The following PEMT variants were observed in gnomAD, a reference collection of about 807,000 sequenced individuals.
PEMT encodes the protein phospholipid methyltransferase.
In PEMT, 23 loss-of-function variants were observed where a neutral mutation model predicts 27.4. That is an observed-to-expected ratio of 0.84 (90% CI 0.60 to 1.19). The LOEUF is 1.19. PEMT is among the 50% of genes most tolerant of loss of function. The probability of loss-of-function intolerance (pLI) is 0.00; values close to 1 mark genes in which losing one functional copy is unlikely to be tolerated. For synonymous variants in PEMT, 137 were observed against 139.1 expected (o/e 0.98, Z 0.11); for missense variants, 307 against 310.1 (o/e 0.99, Z 0.07).
intron 2 of PEMT, among the ~76,000 whole-genome samples, chr17:17,540,714 G>C (rs1423527334): frequency 6.6e-6 from 1 of 152,180 alleles, no homozygotes; most frequent in Non-Finnish European, 1.5e-5. Context: ...GGCAGGCTCA[G>C]GGTTCAGAGG....
intron 2 of PEMT, among the ~76,000 whole-genome samples, chr17:17,562,071 G>A (rs537609666): frequency 6.6e-5 from 10 of 152,336 alleles, no homozygotes; most frequent in South Asian, 2.1e-4. Context: ...GGAGTCGGCC[G>A]TGCTGCAGCT....
chr17:17,566,712 A>G (rs1910849606), intron 2 of PEMT, among the ~76,000 whole-genome samples: 1 of 152,224 alleles, frequency 6.6e-6, no homozygotes, highest in African/African-American at 2.4e-5. Context: ...TCTGCAGAAC[A>G]GTGGTGGCTC....
At chr17:17,506,657 G>A (rs1018580739) in intron 5 of PEMT, among the ~76,000 whole-genome samples, 2 of 152,190 alleles carry the variant, frequency 1.3e-5, no homozygotes, top group African/African-American at 2.4e-5. Flanking sequence ...GTTCATTCCC[G>A]CACAGGAGGA....
chr17:17,587,342 T>A (rs949102359), intron 1 of PEMT, among the ~76,000 whole-genome samples: 1 of 152,148 alleles, frequency 6.6e-6, no homozygotes, highest in Non-Finnish European at 1.5e-5. Flanking sequence ...AATGAACCGA[T>A]CCTTGCAAGA....
At chr17:17,511,308 C>T (rs1906376233) in intron 4 of PEMT, among the ~76,000 whole-genome samples, 1 of 152,246 alleles carries the variant, frequency 6.6e-6, no homozygotes. Context: ...AAACTCCCTA[C>T]AGCGTCTGCC....
chr17:17,522,454 G>A lies in PEMT; in HGVS notation c.205-59C>T, dbSNP rs557881841. 988 of 1,050,364 alleles carry A rather than the reference G, an allele frequency of 9.4e-4. 5 individuals are homozygous for A. Among genetic ancestry groups the A allele is most frequent in the South Asian group, 9.6e-4 (73 of 75,882 alleles). The allele number at this position is 1,050,364 out of a possible 1,614,324, so 65.1% of individuals were successfully genotyped here. On this transcript the variant is annotated intron_variant, in intron 2 of 6. Transcript: ENST00000255389. ...TTCCTGGGGAGACTCCAGGGTGGGG[G>A]TGGGGAGCACATGCCTCTCTCTGCT...
At chr17:17,569,621 G>A (rs1036112923) in intron 2 of PEMT, among the ~76,000 whole-genome samples, 1 of 152,234 alleles carries the variant, frequency 6.6e-6, no homozygotes, top group African/African-American at 2.4e-5. Flanking sequence ...GGTTTACGGG[G>A]TCCCAGTGAG....
rs1906785677 is a variant in PEMT, at chr17:17,515,869, A to C, written c.321-3215T>G. Among the ~76,000 whole-genome samples the C allele has an allele frequency of 2.0e-5, 3 of 152,182 alleles. No individual in the cohort carries two copies. In the South Asian group the frequency reaches 6.2e-4, roughly 31 times the overall value. On this transcript the variant is annotated intron_variant, in intron 3 of 6. Coordinates refer to ENST00000255389, the MANE Select transcript of PEMT (RefSeq NM_148172.3). ...CTTGGGTTCTATTTTTAAGACCTGG[A>C]TTGAACCTTCAGTCATTAATGTGAT...
intron 2 of PEMT, among the ~76,000 whole-genome samples, chr17:17,527,180 C>T (rs1907731839): frequency 2.6e-5 from 4 of 152,070 alleles, no homozygotes; most frequent in Admixed American, 2.6e-4. Context: ...TGGGATTACA[C>T]GCATGCGCCA....
intron 2 of PEMT, among the ~76,000 whole-genome samples, chr17:17,569,913 T>G (rs1484720778): frequency 1.3e-5 from 2 of 152,134 alleles, no homozygotes; most frequent in Non-Finnish European, 1.5e-5. Context: ...GCCTATCTTA[T>G]CTTCACTGGG....
intron 2 of PEMT, chr17:17,571,034 G>A: frequency 3.1e-6 from 1 of 326,252 alleles, no homozygotes; most frequent in Non-Finnish European, 4.4e-6. Flanking sequence ...GAAGCCCTGA[G>A]GAGTCCAGGC....
At chr17:17,507,095 G>T (rs902443057) in intron 5 of PEMT, 2 of 1,438,660 alleles carry the variant, frequency 1.4e-6, no homozygotes, top group South Asian at 2.4e-5. Flanking sequence ...GCACCAAGGA[G>T]CCCGGGCGCA....
intron 2 of PEMT, among the ~76,000 whole-genome samples, chr17:17,558,223 AG>A (rs1391656170): frequency 6.6e-6 from 1 of 152,084 alleles, no homozygotes; most frequent in African/African-American, 2.4e-5. Context: ...TTTAAAAATT[AG>A]GGCTGGGCGT....
At chr17:17,509,308 C>T in intron 5 of PEMT, 126 bp downstream of exon 5, 1 of 650,772 alleles carries the variant, frequency 1.5e-6, no homozygotes, top group South Asian at 2.0e-5. Context: ...GGCGCCTAGG[C>T]CCCCACAAAT....
intron 6 of PEMT, 148 bp downstream of exon 6, chr17:17,506,079 C>T (rs897458456): frequency 1.1e-5 from 11 of 975,980 alleles, no homozygotes; most frequent in Admixed American, 2.8e-5. Context: ...TTGTAAGCTA[C>T]CATGGCCGCT....
At position 17,582,838 on chromosome 17, in the gene PEMT, C is replaced by T. The variant is rs553846676; in HGVS notation, c.97-5811G>A. ...CAGCACTTTGGGAGGCCTAGGCAGG[C>T]GGATCACAAGGCCAGGAGTCAGAGA... is the stretch of plus-strand genomic sequence containing the variant. On this transcript the variant is annotated intron_variant, in intron 1 of 6. Coordinates refer to ENST00000255389, the MANE Select transcript of PEMT (RefSeq NM_148172.3). This position sits in a 1 kb window ranked among gnomAD's most constrained non-coding sequence, Gnocchi z 4.9. Among the ~76,000 whole-genome samples, 2 of 152,108 alleles carry T rather than the reference C, an allele frequency of 1.3e-5. No homozygotes were observed. The highest frequency in any genetic ancestry group is 2.9e-5 in the Non-Finnish European group (2 of 68,010).
At chr17:17,584,307 C>T (rs925862643) in intron 1 of PEMT, among the ~76,000 whole-genome samples, 3 of 152,150 alleles carry the variant, frequency 2.0e-5, no homozygotes, top group Non-Finnish European at 4.4e-5. Flanking sequence ...CTACAGGCGC[C>T]CGCCACCATG....
rs1000328389 is a variant in PEMT, at chr17:17,571,004, G to A, written c.204+5916C>T. ...CTGGAGACTCCCACGTAGGGCCACAGTGCCTGGACCCAAGGTCCTGAAGCC... is the reference window on the plus strand; with the variant it reads ...CTGGAGACTCCCACGTAGGGCCACAATGCCTGGACCCAAGGTCCTGAAGCC... On this transcript the variant is annotated intron_variant, in intron 2 of 6. Coordinates refer to ENST00000255389, the MANE Select transcript of PEMT (RefSeq NM_148172.3). 7.1e-6 allele frequency: 5 copies of A among 703,562 alleles called. No individual in the cohort carries two copies. The African/African-American group carries it at 9.7e-5, about 14-fold the overall frequency. The allele number at this position is 703,562 out of a possible 1,614,324, so 43.6% of individuals were successfully genotyped here.
Position 17,522,351 on chromosome 17 carries a change from G to C in PEMT, c.249C>G (p.Phe83Leu), listed in dbSNP as rs140872588. The C allele has an allele frequency of 6.2e-7, 1 of 1,613,812 alleles. No homozygotes were observed. The highest frequency in any genetic ancestry group is 1.1e-5 in the South Asian group (1 of 91,064). ...AGTAGCAGGCCAGGTAGGGGGATCCGAAGGCCCTGCTCAGCTTGCGGGTCT... is the reference window on the plus strand; with the variant it reads ...AGTAGCAGGCCAGGTAGGGGGATCCCAAGGCCCTGCTCAGCTTGCGGGTCT... ...EHKTRKLSRAFGSPYLACYSL... is the reference protein window; with the variant it reads ...EHKTRKLSRALGSPYLACYSL... Residue 83 changes from phenylalanine to leucine, a missense_variant, in exon 3 of 7, where the codon TTC (phenylalanine) becomes TTG (leucine). Coordinates refer to ENST00000255389, the MANE Select transcript of PEMT (RefSeq NM_148172.3).
Sources: gnomAD v4.1 joint callset for allele counts (sites outside exome capture counted in the v4.1 genomes callset) on GRCh38, gnomAD v4.1.1 for gene constraint, Gnocchi (gnomAD v3.1) non-coding constraint, MANE v1.5 for transcripts, NCBI Gene and HGNC (gene_info 2026-07-23, HGNC 2026-07-21) for gene names.